The following NRG2 variants were observed in gnomAD, a reference collection of about 807,000 sequenced individuals.
The protein encoded by NRG2 is neuregulin 2, also known as pro-neuregulin-2, membrane-bound isoform.
A neutral mutation model predicts 73.9 loss-of-function variants in NRG2; 27 were observed. The observed-to-expected ratio is 0.37, with a 90% CI of 0.27 to 0.50. The LOEUF (loss-of-function observed/expected upper bound fraction) is 0.50. NRG2 is among the 20% of genes least tolerant of loss of function. The probability of loss-of-function intolerance (pLI) is 0.96; values close to 1 mark genes in which losing one functional copy is unlikely to be tolerated. For synonymous variants in NRG2, 532 were observed against 541.0 expected (o/e 0.98, Z 0.23); for missense variants, 1,126 against 1,210.1 (o/e 0.93, Z 1.03).
chr5:139,907,740 A>T (rs1765325947), intron 1 of NRG2, among the ~76,000 whole-genome samples: 1 of 152,162 alleles, frequency 6.6e-6, no homozygotes, highest in South Asian at 2.1e-4. Flanking sequence ...CTTGAAGAAG[A>T]GCTTGAAGGA....
At chr5:139,882,277 T>C (rs1037685956) in intron 2 of NRG2, among the ~76,000 whole-genome samples, 1 of 152,014 alleles carries the variant, frequency 6.6e-6, no homozygotes, top group Non-Finnish European at 1.5e-5. Flanking sequence ...AGACGCAAAC[T>C]GGCCCACAAT....
At chr5:140,025,431 T>C (rs1760607752) in intron 1 of NRG2, among the ~76,000 whole-genome samples, 1 of 152,146 alleles carries the variant, frequency 6.6e-6, no homozygotes, top group African/African-American at 2.4e-5. Context: ...AACTGTTTCT[T>C]CACTCATTTT....
intron 1 of NRG2, among the ~76,000 whole-genome samples, chr5:139,936,709 A>T (rs1226107787): frequency 6.6e-6 from 1 of 152,266 alleles, no homozygotes; most frequent in African/African-American, 2.4e-5. Context: ...ATAAGAAAAG[A>T]AAACTATATT....
intron 1 of NRG2, among the ~76,000 whole-genome samples, chr5:139,899,088 G>T (rs905507628): frequency 2.0e-5 from 3 of 152,122 alleles, no homozygotes; most frequent in Non-Finnish European, 2.9e-5. Context: ...TGTCTATCTC[G>T]TCCTGCCAGG....
In NRG2 at chr5:139,847,648, T is replaced by C. The variant is rs1350315118; in HGVS notation, c.*269A>G. The C allele has an allele frequency of 1.4e-5, 4 of 292,334 alleles. No homozygotes were observed. Among genetic ancestry groups the C allele is most frequent in the Non-Finnish European group, 2.5e-5 (4 of 162,798 alleles). 18.1% of individuals were successfully genotyped at this position (292,334 alleles called of 1,614,324 possible). The stretch of plus-strand genomic sequence containing the variant: ...AGTCAAAAAATTGGCCCATCTCTCT[T>C]TTTTTTTTGTTGTTTCTTTTTTTTT... On this transcript the variant is annotated 3_prime_UTR_variant, in exon 10 of 10. Transcript: ENST00000361474.
chr5:139,871,815 C>G lies in NRG2; in HGVS notation c.1018G>C (p.Gly340Arg), dbSNP rs1214263757. 6.2e-7 allele frequency: 1 copy of G among 1,614,098 alleles called. No homozygotes were observed. The highest frequency in any genetic ancestry group is 1.7e-5 in the Admixed American group (1 of 60,006). ...GTCTCGTTGCACTTCCGGGCGTGCC[C>G]CGACCAGGATGACAGGGTGGTGCTC... ...SVSTTLSSWSGHARKCNETAK... is the reference protein window; with the variant it reads ...SVSTTLSSWSRHARKCNETAK... Residue 340 changes from glycine to arginine, a missense_variant, in exon 4 of 10, where the codon GGG (glycine) becomes CGG (arginine). Gly to Arg is a moderately radical substitution (Grantham distance 125). Coordinates refer to ENST00000361474, the MANE Select transcript of NRG2 (RefSeq NM_004883.3).
intron 1 of NRG2, among the ~76,000 whole-genome samples, chr5:139,999,524 G>T (rs1758274237): frequency 6.6e-6 from 1 of 152,152 alleles, no homozygotes; most frequent in African/African-American, 2.4e-5. Context: ...GCCCTATCCA[G>T]CAAGCCTCAT....
At chr5:139,936,963 G>A (rs1038265826) in intron 1 of NRG2, among the ~76,000 whole-genome samples, 3 of 152,056 alleles carry the variant, frequency 2.0e-5, no homozygotes, top group Non-Finnish European at 4.4e-5. Flanking sequence ...CACCACACCC[G>A]GCTAATTTTT....
Position 140,005,723 on chromosome 5 carries a change from G to A in NRG2, c.700+36647C>T, listed in dbSNP as rs926881918. Among the ~76,000 whole-genome samples, 3 of 152,148 alleles carry A rather than the reference G, an allele frequency of 2.0e-5. No homozygotes were observed. In the South Asian group the frequency reaches 6.2e-4, roughly 32 times the overall value. On this transcript the variant is annotated intron_variant, in intron 1 of 9. Coordinates refer to ENST00000361474, the MANE Select transcript of NRG2 (RefSeq NM_004883.3). ...GCCCAGTCTAGCCCCAGCTCCTCAG[G>A]CATCTCAAGCTCATGTCTAAGCTCA...
chr5:139,963,559 A>G (rs1053708725), intron 1 of NRG2, among the ~76,000 whole-genome samples: 3 of 152,216 alleles, frequency 2.0e-5, no homozygotes, highest in African/African-American at 7.2e-5. Flanking sequence ...ACATATAGGT[A>G]CCATTTATTC....
chr5:140,030,016 A>C lies in NRG2; in HGVS notation c.700+12354T>G, dbSNP rs571886256. Among the ~76,000 whole-genome samples, 26 of 152,314 alleles carry C rather than the reference A, an allele frequency of 1.7e-4. No homozygotes were observed. The Middle Eastern group carries it at 0.01, about 60-fold the overall frequency. On this transcript the variant is annotated intron_variant, in intron 1 of 9. Transcript: ENST00000361474. ...GCTCCCCTCCCAAAGCCACATTGCTAGTAGCAAACTCCTCCACAGAAAGTA... is the reference window on the plus strand; with the variant it reads ...GCTCCCCTCCCAAAGCCACATTGCTCGTAGCAAACTCCTCCACAGAAAGTA...
At chr5:139,923,567 A>C (rs142840107) in intron 1 of NRG2, among the ~76,000 whole-genome samples, 1 of 152,280 alleles carries the variant, frequency 6.6e-6, no homozygotes, top group East Asian at 1.9e-4. Context: ...CTCCAACAAA[A>C]GGTTTCGATG....
intron 1 of NRG2, among the ~76,000 whole-genome samples, chr5:139,933,247 C>A (rs895648461): frequency 6.6e-6 from 1 of 151,992 alleles, no homozygotes; most frequent in Non-Finnish European, 1.5e-5. Context: ...TGCACTCCAG[C>A]CTGGCTGACA....
At chr5:139,862,142 G>T (rs34234982) in intron 5 of NRG2, among the ~76,000 whole-genome samples, 31,774 of 152,178 alleles carry the variant, frequency 0.21, 5,567 homozygotes, top group African/African-American at 0.48. Flanking sequence ...ACAATGACCA[G>T]CTGGAGAAGT....
intron 1 of NRG2, among the ~76,000 whole-genome samples, chr5:139,921,284 G>T (rs1373481877): frequency 2.0e-5 from 3 of 152,146 alleles, no homozygotes; most frequent in Non-Finnish European, 4.4e-5. Flanking sequence ...AAAAGATCAA[G>T]AATAGCCAAC....
rs543731440 is a variant in NRG2, at chr5:140,008,688, G to C, written c.700+33682C>G. Among the ~76,000 whole-genome samples, 1 of 152,296 alleles carries C rather than the reference G, an allele frequency of 6.6e-6. No homozygotes were observed. Among genetic ancestry groups the C allele is most frequent in the South Asian group, 2.1e-4 (1 of 4,826 alleles). On this transcript the variant is annotated intron_variant, in intron 1 of 9. Transcript: ENST00000361474. The surrounding 1 kb of genome is among the most constrained non-coding windows in gnomAD (Gnocchi z 4.2). ...CTTAAAACCTAGAATATAAGAGAAT[G>C]CTTATTTATCCCTCTCAGTCGGGGA...
chr5:139,900,248 T>C (rs1053938936), intron 1 of NRG2, among the ~76,000 whole-genome samples: 1 of 152,246 alleles, frequency 6.6e-6, no homozygotes, highest in Non-Finnish European at 1.5e-5. Flanking sequence ...TCATAGGTAG[T>C]TGTATAAGGA....
chr5:139,951,447 G>T (rs73791254), intron 1 of NRG2, among the ~76,000 whole-genome samples: 1,949 of 152,272 alleles, frequency 0.013, 30 homozygotes, highest in African/African-American at 0.044. Flanking sequence ...ACCCCCTGCT[G>T]CCTCTCTGGG....
At chr5:139,933,083 T>G (rs1415516684) in intron 1 of NRG2, among the ~76,000 whole-genome samples, 5 of 152,178 alleles carry the variant, frequency 3.3e-5, no homozygotes, top group Non-Finnish European at 5.9e-5. Context: ...GAGACCAGCC[T>G]GGCCAACATG....
Sources: gnomAD v4.1 joint callset for allele counts (sites outside exome capture counted in the v4.1 genomes callset) on GRCh38, gnomAD v4.1.1 for gene constraint, Gnocchi (gnomAD v3.1) non-coding constraint, MANE v1.5 for transcripts, NCBI Gene and HGNC (gene_info 2026-07-23, HGNC 2026-07-21) for gene names.